SLC44A2: variants seen among roughly 807,000 people sequenced by gnomAD.
SLC44A2 encodes solute carrier family 44 member 2 (CTL2 blood group), also known as choline transporter-like protein 2.
Under a neutral mutation model 90.8 loss-of-function variants are expected in SLC44A2, and 57 were observed. That is an observed-to-expected ratio of 0.63 (90% CI 0.51 to 0.78). The LOEUF is 0.78. Ranked by LOEUF, SLC44A2 falls within the 30% of genes least tolerant of loss-of-function variation. SLC44A2 has a pLI of 0.00. For synonymous variants in SLC44A2, 355 were observed against 360.7 expected, an observed-to-expected ratio of 0.98 and a Z score of 0.18; for missense variants, 794 against 919.7, an observed-to-expected ratio of 0.86 and a Z score of 1.77.
At position 10,638,252 on chromosome 19, in the gene SLC44A2, C is replaced by T. The variant is rs767970449; in HGVS notation, c.1866C>T (p.Thr622=). 2.5e-6 allele frequency: 4 copies of T among 1,613,946 alleles called. No individual in the cohort carries two copies. The East Asian group carries it at 6.7e-5, about 27-fold the overall frequency. Residue 622 remains threonine, a synonymous_variant, in exon 20 of 22, where the codon ACC becomes ACT. Transcript: ENST00000335757. The stretch of plus-strand genomic sequence containing the variant: ...GGATCCTGGCTTTCTTCTTCTTCAC[C>T]CACCGTATCAGGATCGTGCAGGATA... ...SVGILAFFFF[T]HRIRIVQDTA...
chr19:10,618,474 CTTTTTTTT>C (rs3029799), intron 1 of SLC44A2, among the ~76,000 whole-genome samples: 963 of 87,330 alleles, frequency 0.011, 15 homozygotes, highest in African/African-American at 0.042. Flanking sequence ...TGCGCCCGGC[CTTTTTTTT>C]TTTTTTTTTT....
chr19:10,638,329 G>C lies in SLC44A2; in HGVS notation c.1929+14G>C. ...GTTCCTATACTGGTATGGACCTCTG[G>C]GGAGAGATGGGGGTTTGGGAAGAAA... is the stretch of plus-strand genomic sequence containing the variant. On this transcript the variant is annotated intron_variant, in intron 20 of 21. Transcript: ENST00000335757. 6.2e-7 allele frequency: 1 copy of C among 1,609,672 alleles called. No individual in the cohort carries two copies.
rs1027681501 is a variant in SLC44A2, at chr19:10,634,873, C to A, written c.941C>A (p.Thr314Asn). ...CGGGTGTACCTGCACTTACGGCAGA[C>A]CTGGTTGGCCTTTAGTGAGTCACAG... ...DFRVYLHLRQTWLAFMIILSI... is the reference protein window; with the variant it reads ...DFRVYLHLRQNWLAFMIILSI... Residue 314 changes from threonine to asparagine, a missense_variant, in exon 11 of 22, where the codon ACC becomes AAC. By Grantham distance (65) the Thr-to-Asn change is moderately conservative (BLOSUM62 0). Coordinates refer to ENST00000335757, the MANE Select transcript of SLC44A2 (RefSeq NM_020428.4). The A allele has an allele frequency of 6.2e-7, 1 of 1,614,186 alleles. No individual in the cohort carries two copies. Among genetic ancestry groups the A allele is most frequent in the African/African-American group, 1.3e-5 (1 of 75,046 alleles).
upstream of SLC44A2, among the ~76,000 whole-genome samples, chr19:10,622,389 G>A (rs934441310): frequency 3.3e-5 from 5 of 152,138 alleles, no homozygotes; most frequent in African/African-American, 9.7e-5. Flanking sequence ...ACTTAGGTGT[G>A]CACAGATGTC....
intron 10 of SLC44A2, among the ~76,000 whole-genome samples, chr19:10,634,267 C>T (rs1449572561): frequency 1.4e-5 from 2 of 147,390 alleles, no homozygotes; most frequent in African/African-American, 2.5e-5. Flanking sequence ...GGATTACAGG[C>T]GTGAGCCACC....
chr19:10,625,032 G>C (rs1041248493), upstream of SLC44A2, among the ~76,000 whole-genome samples: 1 of 152,116 alleles, frequency 6.6e-6, no homozygotes. Flanking sequence ...TACTCAGGAG[G>C]CTTAGTCAGG....
intron 20 of SLC44A2, among the ~76,000 whole-genome samples, 193 bp downstream of exon 20, chr19:10,638,508 A>G (rs1340460996): frequency 6.6e-6 from 1 of 152,152 alleles, no homozygotes; most frequent in Admixed American, 6.6e-5. Context: ...CAGTGGTGCA[A>G]TCTTGACTCA....
upstream of SLC44A2, among the ~76,000 whole-genome samples, chr19:10,621,437 T>TTC (rs1555758127): frequency 6.9e-6 from 1 of 144,296 alleles, no homozygotes; most frequent in South Asian, 2.2e-4. Flanking sequence ...TTTTTTTTTT[T>TTC]TTTTGGTTTT....
intron 12 of SLC44A2, 33 bp from the exon 13 acceptor site, chr19:10,635,130 T>A: frequency 6.2e-7 from 1 of 1,613,854 alleles, no homozygotes; most frequent in Non-Finnish European, 8.5e-7. Flanking sequence ...TTGTGTCTTT[T>A]GCCCTGACGC....
chr19:10,631,283 G>T lies in SLC44A2; in HGVS notation c.339G>T (p.Val113=). 6.2e-7 allele frequency: 1 copy of T among 1,614,022 alleles called. No individual in the cohort carries two copies. The highest frequency in any genetic ancestry group is 1.1e-5 in the South Asian group (1 of 91,084). ...TCCTTCTCCCCTCCCAGATCTGCGT[G>T]GAAAAATGCCCCGACCGCTACCTCA... The part of the protein sequence containing the change: ...EFQCPTPQIC[V]EKCPDRYLTY... The change falls in exon 6 of 22, where the codon GTG becomes GTT. Residue 113 remains valine (V), a synonymous_variant. Coordinates refer to ENST00000335757, the MANE Select transcript of SLC44A2 (RefSeq NM_020428.4).
intron 21 of SLC44A2, 60 bp from the exon 22 acceptor site, chr19:10,643,219 C>A: frequency 6.4e-7 from 1 of 1,556,116 alleles, no homozygotes; most frequent in South Asian, 1.2e-5. Flanking sequence ...CTACCCTGTC[C>A]TTGAGGCCCC....
chr19:10,608,881 G>A (rs1276184366), intron 1 of SLC44A2, among the ~76,000 whole-genome samples: 1 of 150,868 alleles, frequency 6.6e-6, no homozygotes, highest in East Asian at 1.9e-4. Flanking sequence ...GAACTCCTGG[G>A]CTCAAGCTAT....
At chr19:10,614,970 C>CAAAA (rs74464361) in intron 1 of SLC44A2, among the ~76,000 whole-genome samples, 2 of 62,546 alleles carry the variant, frequency 3.2e-5, no homozygotes, top group Non-Finnish European at 6.5e-5. Flanking sequence ...GACTCCGTCT[C>CAAAA]AAAAAAAAAA....
At chr19:10,634,451 T>C (rs887970821) in intron 10 of SLC44A2, among the ~76,000 whole-genome samples, 6 of 138,636 alleles carry the variant, frequency 4.3e-5, no homozygotes, top group Non-Finnish European at 7.7e-5. Flanking sequence ...GCAACAAGAG[T>C]GAAACTCCGT....
chr19:10,632,330 A>T (rs1238886907), intron 10 of SLC44A2, among the ~76,000 whole-genome samples, 174 bp downstream of exon 10: 1 of 152,000 alleles, frequency 6.6e-6, no homozygotes, highest in East Asian at 1.9e-4. Context: ...CGAGGTCAGG[A>T]GTTCAAGACC....
chr19:10,624,863 A>G (rs992697839), upstream of SLC44A2, among the ~76,000 whole-genome samples: 4 of 152,172 alleles, frequency 2.6e-5, no homozygotes, highest in Non-Finnish European at 4.4e-5. Flanking sequence ...GACCAGGCCC[A>G]GTAGTGCACG....
At chr19:10,639,230 G>A (rs1018026828) in intron 20 of SLC44A2, among the ~76,000 whole-genome samples, 1 of 152,162 alleles carries the variant, frequency 6.6e-6, no homozygotes, top group East Asian at 1.9e-4. Flanking sequence ...CACCACGCCC[G>A]ACCTCAGACC....
At chr19:10,603,227 C>T (rs1046066344) in intron 1 of SLC44A2, among the ~76,000 whole-genome samples, 17 of 152,194 alleles carry the variant, frequency 1.1e-4, no homozygotes, top group African/African-American at 3.9e-4. Flanking sequence ...CTTGGGGCGA[C>T]CTCAGGCATT....
chr19:10,616,326 G>A (rs533276417), intron 1 of SLC44A2, among the ~76,000 whole-genome samples: 50 of 152,126 alleles, frequency 3.3e-4, no homozygotes, highest in Non-Finnish European at 6.0e-4. Context: ...CGTCTCCCCC[G>A]GCTCAAAGAT....
Sources: gnomAD v4.1 joint callset for allele counts (sites outside exome capture counted in the v4.1 genomes callset) on GRCh38, gnomAD v4.1.1 for gene constraint, MANE v1.5 for transcripts, NCBI Gene and HGNC (gene_info 2026-07-23, HGNC 2026-07-21) for gene names.